The following HIVEP1 variants were observed in gnomAD, a reference collection of about 807,000 sequenced individuals.
The protein encoded by HIVEP1 is zinc finger protein 40.
HIVEP1 carries 36 observed loss-of-function variants against 180.0 expected under a neutral mutation model. The ratio of observed to expected loss-of-function variants is 0.20; its 90% confidence interval spans 0.15 to 0.26. The LOEUF (loss-of-function observed/expected upper bound fraction) is 0.26, where lower values mean the gene tolerates loss of function less well. Ranked by LOEUF, HIVEP1 falls within the 10% of genes least tolerant of loss-of-function variation. HIVEP1 has a pLI of 1.00. For synonymous variants in HIVEP1, 1,239 were observed against 1,239.0 expected, an observed-to-expected ratio of 1.00 and a Z score of 0.00; for missense variants, 3,143 against 3,268.7, an observed-to-expected ratio of 0.96 and a Z score of 0.94.
intron 2 of HIVEP1, among the ~76,000 whole-genome samples, chr6:12,051,422 G>C (rs1770532423): frequency 6.6e-6 from 1 of 151,918 alleles, no homozygotes; most frequent in Non-Finnish European, 1.5e-5. Context: ...TAGAAAACAA[G>C]ATACTGTCAA....
chr6:12,052,105 T>A (rs1472982127), intron 2 of HIVEP1, among the ~76,000 whole-genome samples: 2 of 152,220 alleles, frequency 1.3e-5, no homozygotes, highest in Admixed American at 1.3e-4. Context: ...AAGCAGTCTT[T>A]GGAAATTCTA....
chr6:12,191,923 A>C, the HIVEP1 span, among the ~76,000 whole-genome samples: 1 of 152,224 alleles, frequency 6.6e-6, no homozygotes. Flanking sequence ...TCTTCATTTT[A>C]TAGATGAGGG....
At chr6:12,119,163 C>T (rs1021900115) in intron 3 of HIVEP1, among the ~76,000 whole-genome samples, 2 of 152,210 alleles carry the variant, frequency 1.3e-5, no homozygotes, top group African/African-American at 4.8e-5. Context: ...TCTGTCTTCC[C>T]TTACCAGCTT....
At chr6:12,176,939 T>A in the HIVEP1 span, among the ~76,000 whole-genome samples, 13,564 of 152,216 alleles carry the variant, frequency 0.089, 733 homozygotes, top group Middle Eastern at 0.15. Context: ...ACAGATTGTA[T>A]AAAGCAAATG....
At chr6:12,059,709 C>G (rs1404237460) in intron 2 of HIVEP1, among the ~76,000 whole-genome samples, 5 of 152,120 alleles carry the variant, frequency 3.3e-5, no homozygotes, top group Non-Finnish European at 7.4e-5. Context: ...AGATTCACCT[C>G]TAGTCCCTCT....
chr6:12,156,937 G>A (rs1032968717), intron 7 of HIVEP1, among the ~76,000 whole-genome samples: 1 of 151,894 alleles, frequency 6.6e-6, no homozygotes, highest in Non-Finnish European at 1.5e-5. Flanking sequence ...GTGGATTATT[G>A]AAGTCTTCAG....
At chr6:12,095,724 G>A (rs1390262404) in intron 3 of HIVEP1, among the ~76,000 whole-genome samples, 1 of 151,858 alleles carries the variant, frequency 6.6e-6, no homozygotes, top group African/African-American at 2.4e-5. Flanking sequence ...ATTTTGCCAT[G>A]ATGAAAAAGC....
intron 2 of HIVEP1, among the ~76,000 whole-genome samples, chr6:12,062,291 T>C (rs1266199349): frequency 6.6e-6 from 1 of 152,162 alleles, no homozygotes; most frequent in African/African-American, 2.4e-5. Flanking sequence ...AAACTATTCC[T>C]TTAATGATAA....
intron 4 of HIVEP1, among the ~76,000 whole-genome samples, chr6:12,126,835 A>G: frequency 6.6e-6 from 1 of 152,254 alleles, no homozygotes; most frequent in South Asian, 2.1e-4. Flanking sequence ...TTTTTAAAAA[A>G]ATAGGGATTT....
intron 3 of HIVEP1, among the ~76,000 whole-genome samples, chr6:12,107,445 C>T (rs1209375501): frequency 1.3e-5 from 2 of 152,148 alleles, no homozygotes; most frequent in African/African-American, 4.8e-5. Flanking sequence ...GTACTGGTGG[C>T]TAAAGGTTGG....
At chr6:12,098,610 G>C (rs141693620) in intron 3 of HIVEP1, among the ~76,000 whole-genome samples, 96 of 152,278 alleles carry the variant, frequency 6.3e-4, no homozygotes, top group African/African-American at 2.2e-3. Flanking sequence ...TTTTGCCTAC[G>C]TAGAGATTTG....
At chr6:12,131,318 T>C (rs1758404227) in intron 6 of HIVEP1, among the ~76,000 whole-genome samples, 2 of 151,966 alleles carry the variant, frequency 1.3e-5, no homozygotes, top group Admixed American at 1.3e-4. Context: ...CGCTGGGTGC[T>C]AAAAGATTGA....
intron 3 of HIVEP1, among the ~76,000 whole-genome samples, chr6:12,102,355 T>C (rs1293068283): frequency 1.3e-5 from 2 of 152,188 alleles, no homozygotes; most frequent in Non-Finnish European, 2.9e-5. Flanking sequence ...AAACAGTTGA[T>C]CATTAAATCA....
At position 12,012,493 on chromosome 6, in the gene HIVEP1, GGCC is replaced by G. The variant is rs1222473700; in HGVS notation, c.-170_-168del. The G allele has an allele frequency of 6.6e-6, 1 of 150,428 alleles. No individual in the cohort carries two copies. Among genetic ancestry groups the G allele is most frequent in the Admixed American group, 6.6e-5 (1 of 15,100 alleles). 9.3% of individuals were successfully genotyped at this position (150,428 alleles called of 1,614,324 possible). A position where few individuals can be genotyped will look rare whatever the true frequency, so the allele number is the denominator to read the frequency against. ...GGGGGTCGCGGAGATCCCGAGCCGC[GGCC>G]GCCGCCATCAGCAGCGCAGCTCCAG... On this transcript the variant is annotated 5_prime_UTR_variant, in exon 1 of 9. Transcript: ENST00000379388.
intron 2 of HIVEP1, among the ~76,000 whole-genome samples, chr6:12,078,648 C>CAT (rs1398770888): frequency 2.1e-5 from 3 of 144,812 alleles, no homozygotes; most frequent in Admixed American, 1.4e-4. Context: ...CACACACACA[C>CAT]ACATACATAT....
chr6:12,174,120 T>A, the HIVEP1 span, among the ~76,000 whole-genome samples: 1 of 152,224 alleles, frequency 6.6e-6, no homozygotes, highest in African/African-American at 2.4e-5. Flanking sequence ...AGTCTACTTA[T>A]TATTCATACT....
intron 3 of HIVEP1, among the ~76,000 whole-genome samples, chr6:12,093,003 C>A (rs1479353387): frequency 6.6e-6 from 1 of 152,130 alleles, no homozygotes; most frequent in Non-Finnish European, 1.5e-5. Context: ...TGGGCATGAT[C>A]TGATCAGTTG....
At chr6:12,193,054 G>A in the HIVEP1 span, among the ~76,000 whole-genome samples, 1 of 152,142 alleles carries the variant, frequency 6.6e-6, no homozygotes, top group Non-Finnish European at 1.5e-5. Context: ...TTATAGAGCT[G>A]TTATAAGGCT....
At chr6:12,064,746 G>A (rs973879384) in intron 2 of HIVEP1, among the ~76,000 whole-genome samples, 9 of 152,060 alleles carry the variant, frequency 5.9e-5, no homozygotes, top group South Asian at 2.1e-4. Flanking sequence ...TCCCCACGCC[G>A]TACACACACA....
Sources: gnomAD v4.1 joint callset for allele counts (sites outside exome capture counted in the v4.1 genomes callset) on GRCh38, gnomAD v4.1.1 for gene constraint, MANE v1.5 for transcripts, NCBI Gene and HGNC (gene_info 2026-07-23, HGNC 2026-07-21) for gene names.